Variants in THSD7B observed in about 807,000 individuals in gnomAD.
The protein encoded by THSD7B is thrombospondin type 1 domain containing 7B.
Under a neutral mutation model 213.6 loss-of-function variants are expected in THSD7B, and 138 were observed. The observed-to-expected ratio is 0.65, with a 90% CI of 0.56 to 0.74. The LOEUF is 0.74. THSD7B is among the 30% of genes least tolerant of loss of function. The pLI is 0.00. For missense variants in THSD7B, 1,931 were observed against 1,991.5 expected, an observed-to-expected ratio of 0.97 and a Z score of 0.58; for synonymous variants, 742 against 687.0, an observed-to-expected ratio of 1.08 and a Z score of -1.25.
At chr2:136,934,795 A>G (rs1210416289) in intron 2 of THSD7B, among the ~76,000 whole-genome samples, 2 of 152,198 alleles carry the variant, frequency 1.3e-5, no homozygotes, top group Non-Finnish European at 2.9e-5. Context: ...GAATTTTAGC[A>G]TACAATTTAC....
chr2:137,160,412 A>ATG, intron 6 of THSD7B, 44 bp downstream of exon 6: 1 of 1,600,314 alleles, frequency 6.2e-7, no homozygotes, highest in Non-Finnish European at 8.5e-7. Flanking sequence ...GTCAGCGTAC[A>ATG]AACATTTATT....
At chr2:137,309,193 T>C (rs570410958) in intron 12 of THSD7B, among the ~76,000 whole-genome samples, 12 of 152,240 alleles carry the variant, frequency 7.9e-5, no homozygotes, top group African/African-American at 2.9e-4. Flanking sequence ...TCAATCAAAA[T>C]GGAAAGGAAA....
chr2:137,053,712 T>A (rs1558901134), intron 2 of THSD7B, among the ~76,000 whole-genome samples: 1 of 152,172 alleles, frequency 6.6e-6, no homozygotes, highest in Non-Finnish European at 1.5e-5. Context: ...TTTTCTGATC[T>A]TACTTTCATT....
intron 12 of THSD7B, among the ~76,000 whole-genome samples, chr2:137,354,789 T>C (rs1353073142): frequency 6.6e-6 from 1 of 151,990 alleles, no homozygotes; most frequent in Non-Finnish European, 1.5e-5. Context: ...CCTATTTCCA[T>C]TGAAGTTTGG....
intron 2 of THSD7B, among the ~76,000 whole-genome samples, chr2:136,952,434 CTT>C (rs35848268): frequency 3.8e-4 from 48 of 125,578 alleles, no homozygotes; most frequent in East Asian, 1.7e-3. Flanking sequence ...GGGCAGAAAA[CTT>C]TTTTTTTTTT....
intron 1 of THSD7B, among the ~76,000 whole-genome samples, chr2:136,827,310 TA>T (rs1194897958): frequency 6.6e-6 from 1 of 152,184 alleles, no homozygotes; most frequent in African/African-American, 2.4e-5. Context: ...TGTCCAGACC[TA>T]TTTGGACCAG....
intron 7 of THSD7B, among the ~76,000 whole-genome samples, chr2:137,222,943 G>A (rs1435820310): frequency 6.6e-6 from 1 of 152,160 alleles, no homozygotes; most frequent in Non-Finnish European, 1.5e-5. Context: ...CTCTCATTCT[G>A]TGGATGAAAT....
At chr2:137,197,711 T>G (rs531750798) in intron 7 of THSD7B, among the ~76,000 whole-genome samples, 162 of 152,308 alleles carry the variant, frequency 1.1e-3, no homozygotes, top group East Asian at 2.3e-3. Context: ...TTGGGTTCTG[T>G]GTGTTTAGGA....
chr2:136,869,244 T>TA (rs1359832823), intron 1 of THSD7B, among the ~76,000 whole-genome samples: 1 of 152,162 alleles, frequency 6.6e-6, no homozygotes, highest in African/African-American at 2.4e-5. Context: ...TAGGGTTGCG[T>TA]AACTTCTGAA....
intron 17 of THSD7B, among the ~76,000 whole-genome samples, chr2:137,609,288 G>T (rs925479851): frequency 6.6e-6 from 1 of 152,114 alleles, no homozygotes; most frequent in Non-Finnish European, 1.5e-5. Flanking sequence ...ATGAGGTAGC[G>T]ATAAATGATA....
chr2:137,033,608 T>TTTTA lies in THSD7B; in HGVS notation c.140-22796_140-22793dup, dbSNP rs572328426. Among the ~76,000 whole-genome samples, 94 of 151,880 alleles carry TTTTA rather than the reference T, an allele frequency of 6.2e-4. 2 individuals carry two copies. In the East Asian group the frequency reaches 0.015, roughly 24 times the overall value. On this transcript the variant is annotated intron_variant, in intron 2 of 27. Transcript: ENST00000409968. ...TTTTCTTAGATATTATTTTTATTAT[T>TTTTA]TTTATTTATTTATTTATTTTTTGAG...
At chr2:137,152,955 T>C (rs573395049) in intron 5 of THSD7B, among the ~76,000 whole-genome samples, 6 of 152,308 alleles carry the variant, frequency 3.9e-5, no homozygotes, top group Admixed American at 6.5e-5. Flanking sequence ...ATGGTGCTTC[T>C]CACTTCATGA....
At chr2:137,262,854 G>C (rs367627751) in intron 10 of THSD7B, among the ~76,000 whole-genome samples, 2 of 152,250 alleles carry the variant, frequency 1.3e-5, no homozygotes, top group East Asian at 3.9e-4. Flanking sequence ...GGGTTTCTGA[G>C]AGTAGGGTGG....
chr2:137,272,891 T>G (rs1437403462), intron 11 of THSD7B, among the ~76,000 whole-genome samples: 1 of 151,974 alleles, frequency 6.6e-6, no homozygotes, highest in African/African-American at 2.4e-5. Context: ...TGACTGTAAG[T>G]GAGCTGCTTG....
At chr2:137,549,578 G>T (rs113198341) in intron 15 of THSD7B, among the ~76,000 whole-genome samples, 3 of 151,874 alleles carry the variant, frequency 2.0e-5, no homozygotes, top group African/African-American at 7.3e-5. Flanking sequence ...ATTATCAAGT[G>T]TACAATACAG....
intron 7 of THSD7B, among the ~76,000 whole-genome samples, chr2:137,220,531 T>A (rs1044929102): frequency 1.3e-5 from 2 of 152,192 alleles, no homozygotes; most frequent in African/African-American, 4.8e-5. Flanking sequence ...AAGAAACTGG[T>A]TATACCAAGT....
chr2:137,361,960 A>T (rs1685273267), intron 12 of THSD7B, among the ~76,000 whole-genome samples: 1 of 152,172 alleles, frequency 6.6e-6, no homozygotes, highest in Non-Finnish European at 1.5e-5. Flanking sequence ...AATGAAGGAA[A>T]AAATGTTAAG....
intron 2 of THSD7B, among the ~76,000 whole-genome samples, chr2:137,044,248 C>A (rs948051817): frequency 1.3e-5 from 2 of 152,126 alleles, no homozygotes; most frequent in Non-Finnish European, 2.9e-5. Flanking sequence ...ACATTCACCC[C>A]CTTTTCATTT....
At chr2:136,876,397 C>T (rs1357036330) in intron 1 of THSD7B, among the ~76,000 whole-genome samples, 1 of 152,138 alleles carries the variant, frequency 6.6e-6, no homozygotes, top group Non-Finnish European at 1.5e-5. Flanking sequence ...ATATAATTGG[C>T]AATGATGTCT....
Sources: gnomAD v4.1 joint callset for allele counts (sites outside exome capture counted in the v4.1 genomes callset) on GRCh38, gnomAD v4.1.1 for gene constraint, MANE v1.5 for transcripts, NCBI Gene and HGNC (gene_info 2026-07-23, HGNC 2026-07-21) for gene names.